Variants in MAF observed in about 807,000 individuals in gnomAD.
The protein encoded by MAF is transcription factor Maf.
Under a neutral mutation model 22.0 loss-of-function variants are expected in MAF, and 10 were observed. The ratio of observed to expected loss-of-function variants is 0.45; its 90% confidence interval spans 0.28 to 0.77. The LOEUF is 0.77. MAF is among the 30% of genes least tolerant of loss of function. The pLI is 0.12. For synonymous variants in MAF, 337 were observed against 255.8 expected, an observed-to-expected ratio of 1.32 and a Z score of -3.03; for missense variants, 544 against 548.4, an observed-to-expected ratio of 0.99 and a Z score of 0.08.
the MAF span, among the ~76,000 whole-genome samples, chr16:79,315,557 C>T: frequency 2.7e-4 from 41 of 152,300 alleles, 1 homozygote; most frequent in African/African-American, 8.9e-4. Context: ...ACCCATTTTA[C>T]AGACGGGGAA....
At chr16:79,365,268 A>G in the MAF span, among the ~76,000 whole-genome samples, 119 of 152,306 alleles carry the variant, frequency 7.8e-4, no homozygotes, top group Middle Eastern at 0.01. Flanking sequence ...AGGCCCTGCT[A>G]TCGTGCACTC....
chr16:79,455,059 G>T, the MAF span, among the ~76,000 whole-genome samples: 1 of 150,820 alleles, frequency 6.6e-6, no homozygotes, highest in African/African-American at 2.4e-5. Flanking sequence ...TCGCACCATT[G>T]CACTACAGCC....
At chr16:79,504,837 C>G in the MAF span, among the ~76,000 whole-genome samples, 2 of 152,198 alleles carry the variant, frequency 1.3e-5, no homozygotes, top group African/African-American at 4.8e-5. Flanking sequence ...TTCCTCATCT[C>G]TTTTCCCTTG....
chr16:79,569,683 C>T, the MAF span, among the ~76,000 whole-genome samples: 1 of 152,146 alleles, frequency 6.6e-6, no homozygotes, highest in African/African-American at 2.4e-5. Context: ...TACAGTCACC[C>T]AGGGAGCTTT....
the MAF span, among the ~76,000 whole-genome samples, chr16:79,395,918 G>A: frequency 1.3e-5 from 2 of 152,110 alleles, no homozygotes; most frequent in Non-Finnish European, 2.9e-5. Flanking sequence ...AGAAGAGAAC[G>A]AGAAGAAAAT....
chr16:79,554,086 C>T, the MAF span, among the ~76,000 whole-genome samples: 1 of 143,160 alleles, frequency 7.0e-6, no homozygotes, highest in Admixed American at 7.0e-5. Flanking sequence ...AAGACTGCCT[C>T]TCAAAAACAA....
the MAF span, among the ~76,000 whole-genome samples, chr16:79,376,339 C>G: frequency 6.6e-6 from 1 of 151,910 alleles, no homozygotes; most frequent in Admixed American, 6.6e-5. Context: ...ATCTTCTCTG[C>G]TTTTGCCTTT....
the MAF span, among the ~76,000 whole-genome samples, chr16:79,456,958 A>ACC: frequency 6.6e-6 from 1 of 151,164 alleles, no homozygotes; most frequent in Non-Finnish European, 1.5e-5. Context: ...ACACACACAC[A>ACC]CCCTTGGAGC....
At chr16:79,328,474 C>T in the MAF span, among the ~76,000 whole-genome samples, 5 of 152,148 alleles carry the variant, frequency 3.3e-5, no homozygotes, top group African/African-American at 1.2e-4. Flanking sequence ...GGGTGGGGCC[C>T]TTGCATGAGA....
the MAF span, among the ~76,000 whole-genome samples, chr16:79,398,478 C>A: frequency 6.6e-6 from 1 of 152,140 alleles, no homozygotes; most frequent in Non-Finnish European, 1.5e-5. Flanking sequence ...ATTATCCAAT[C>A]TGCTGCAGAA....
At position 79,594,523 on chromosome 16, in the gene MAF, T is replaced by A; in HGVS notation, c.1149A>T (p.Ser383=). 6.4e-7 allele frequency: 1 copy of A among 1,565,850 alleles called. No individual in the cohort carries two copies. The change falls in exon 2 of 2, where the codon TCA becomes TCT. Residue 383 remains serine, a synonymous_variant. Transcript: ENST00000326043. ...ITEPTRKLEP[S]VGYATFWKPQ... ...GCTTCCAAAATGTGGCGTATCCCAC[T>A]GATGGCTCCAACTTGCGAGTGGGCT...
chr16:79,427,528 G>C, the MAF span, among the ~76,000 whole-genome samples: 2 of 152,224 alleles, frequency 1.3e-5, no homozygotes, highest in African/African-American at 4.8e-5. Context: ...TGTTTGGAGA[G>C]CTGGCGTGCA....
chr16:79,230,699 T>G, the MAF span, among the ~76,000 whole-genome samples: 1 of 152,118 alleles, frequency 6.6e-6, no homozygotes, highest in Non-Finnish European at 1.5e-5. Context: ...TGCATAGGCT[T>G]GCTACCAATT....
the MAF span, among the ~76,000 whole-genome samples, chr16:79,325,201 C>A: frequency 1.3e-5 from 2 of 152,092 alleles, no homozygotes; most frequent in South Asian, 2.1e-4. Context: ...GGGGGAACAC[C>A]GTTCAATCCA....
At chr16:79,596,459 C>T (rs192797065) in intron 1 of MAF, 7 of 1,053,054 alleles carry the variant, frequency 6.6e-6, no homozygotes, top group African/African-American at 6.6e-5. Flanking sequence ...AAACTGTACA[C>T]TAAGAAACTG....
the MAF span, among the ~76,000 whole-genome samples, chr16:79,512,614 G>C: frequency 2.6e-5 from 4 of 152,110 alleles, no homozygotes; most frequent in Admixed American, 6.5e-5. Context: ...AGCTCATTAT[G>C]AATCCTAGGA....
chr16:79,260,530 G>T, the MAF span, among the ~76,000 whole-genome samples: 1 of 128,284 alleles, frequency 7.8e-6, no homozygotes, highest in Non-Finnish European at 1.8e-5. Context: ...TTACCACTAG[G>T]ATGGAAACAC....
the MAF span, among the ~76,000 whole-genome samples, chr16:79,424,665 G>A: frequency 3.3e-5 from 5 of 152,268 alleles, no homozygotes; most frequent in South Asian, 2.1e-4. Context: ...TAGCCAGCTG[G>A]ATCCTACCAA....
At chr16:79,282,093 G>C in the MAF span, among the ~76,000 whole-genome samples, 1 of 152,040 alleles carries the variant, frequency 6.6e-6, no homozygotes, top group Non-Finnish European at 1.5e-5. Context: ...ACGAGGTCAG[G>C]AGTTCGAGAC....
Sources: gnomAD v4.1 joint callset for allele counts (sites outside exome capture counted in the v4.1 genomes callset) on GRCh38, gnomAD v4.1.1 for gene constraint, MANE v1.5 for transcripts, NCBI Gene and HGNC (gene_info 2026-07-23, HGNC 2026-07-21) for gene names.